Variants in KCNH8 observed in about 807,000 individuals in gnomAD.
KCNH8 encodes the protein voltage-gated delayed rectifier potassium channel KCNH8.
A neutral mutation model predicts 103.6 loss-of-function variants in KCNH8; 70 were observed. That is an observed-to-expected ratio of 0.68 (90% CI 0.56 to 0.82). The LOEUF is 0.82. Among genes scored for constraint, KCNH8 ranks in the 40% least tolerant of loss-of-function variants. The probability of loss-of-function intolerance (pLI) is 0.00; values close to 1 mark genes in which losing one functional copy is unlikely to be tolerated. For synonymous variants in KCNH8, 498 were observed against 489.4 expected, an observed-to-expected ratio of 1.02 and a Z score of -0.23; for missense variants, 1,217 against 1,329.9, an observed-to-expected ratio of 0.92 and a Z score of 1.32.
intron 11 of KCNH8, among the ~76,000 whole-genome samples, chr3:19,500,328 G>T (rs547342851): frequency 2.4e-4 from 37 of 152,152 alleles, no homozygotes; most frequent in Non-Finnish European, 3.4e-4. Context: ...CTCCCACACA[G>T]TAATAATGGG....
intron 3 of KCNH8, among the ~76,000 whole-genome samples, chr3:19,309,816 T>C (rs1263373013): frequency 6.6e-6 from 1 of 151,960 alleles, no homozygotes; most frequent in Non-Finnish European, 1.5e-5. Flanking sequence ...CTTAACGTAA[T>C]AGTTGAATCA....
intron 5 of KCNH8, among the ~76,000 whole-genome samples, chr3:19,354,101 G>A (rs2065844507): frequency 6.6e-6 from 1 of 152,114 alleles, no homozygotes; most frequent in Non-Finnish European, 1.5e-5. Context: ...CAGACAGAGA[G>A]CCAAATCATG....
At chr3:19,502,013 C>G (rs921187934) in intron 11 of KCNH8, among the ~76,000 whole-genome samples, 1 of 151,738 alleles carries the variant, frequency 6.6e-6, no homozygotes, top group African/African-American at 2.4e-5. Context: ...GATTGTATAT[C>G]TAGAAAACCC....
intron 3 of KCNH8, among the ~76,000 whole-genome samples, chr3:19,305,611 A>G (rs1163754261): frequency 6.6e-6 from 1 of 152,050 alleles, no homozygotes; most frequent in Non-Finnish European, 1.5e-5. Context: ...ACAATTGGAG[A>G]AGACTTTGGA....
At chr3:19,445,861 G>T (rs1341386563) in intron 8 of KCNH8, among the ~76,000 whole-genome samples, 3 of 151,858 alleles carry the variant, frequency 2.0e-5, no homozygotes, top group African/African-American at 4.8e-5. Context: ...AATATTTATG[G>T]CATACTTAAA....
intron 10 of KCNH8, among the ~76,000 whole-genome samples, chr3:19,454,568 G>A (rs933595682): frequency 8.5e-5 from 13 of 152,112 alleles, no homozygotes; most frequent in African/African-American, 3.1e-4. Context: ...TTTAGGAATA[G>A]AATATGAAGG....
At chr3:19,468,344 G>T (rs2067785465) in intron 11 of KCNH8, among the ~76,000 whole-genome samples, 1 of 152,210 alleles carries the variant, frequency 6.6e-6, no homozygotes, top group African/African-American at 2.4e-5. Flanking sequence ...TTAAGAAAAT[G>T]AAGAAAGTCC....
At chr3:19,223,371 C>T (rs1323027743) in intron 1 of KCNH8, among the ~76,000 whole-genome samples, 1 of 152,084 alleles carries the variant, frequency 6.6e-6, no homozygotes, top group Non-Finnish European at 1.5e-5. Context: ...TCAGATTTTT[C>T]CTCAGTATTG....
intron 7 of KCNH8, among the ~76,000 whole-genome samples, chr3:19,413,533 G>A (rs2066815637): frequency 6.6e-6 from 1 of 152,012 alleles, no homozygotes; most frequent in African/African-American, 2.4e-5. Flanking sequence ...TGTACCTCCT[G>A]AATCTAAAAT....
chr3:19,331,880 A>G (rs2065515606), intron 3 of KCNH8, among the ~76,000 whole-genome samples: 1 of 152,276 alleles, frequency 6.6e-6, no homozygotes, highest in Non-Finnish European at 1.5e-5. Flanking sequence ...TGAGTCTTCT[A>G]TCATGATGAA....
intron 1 of KCNH8, among the ~76,000 whole-genome samples, chr3:19,154,996 C>A (rs2063167429): frequency 6.6e-6 from 1 of 152,184 alleles, no homozygotes; most frequent in Admixed American, 6.5e-5. Context: ...GCAACTGGAG[C>A]AATTGAAGAG....
chr3:19,209,455 T>G (rs1394506076), intron 1 of KCNH8, among the ~76,000 whole-genome samples: 1 of 152,096 alleles, frequency 6.6e-6, no homozygotes, highest in Non-Finnish European at 1.5e-5. Flanking sequence ...CTTGGATCAT[T>G]TTAAAATGAA....
At chr3:19,290,148 T>G (rs2125280902) in intron 3 of KCNH8, among the ~76,000 whole-genome samples, 1 of 152,324 alleles carries the variant, frequency 6.6e-6, no homozygotes, top group Non-Finnish European at 1.5e-5. Flanking sequence ...GATTTTGGGC[T>G]GAGACAATGG....
In KCNH8 at chr3:19,451,341, A is replaced by G. The variant is rs753570819; in HGVS notation, c.1762A>G (p.Ile588Val). The change falls in exon 10 of 16, where the codon ATC (isoleucine) becomes GTC (valine). Residue 588 changes from isoleucine (I) to valine (V), a missense_variant. This residue lies in a region of KCNH8 where 415 missense variants were observed against 577.4 expected (regional missense o/e 0.72). Coordinates refer to ENST00000328405, the MANE Select transcript of KCNH8 (RefSeq NM_144633.3). ...LLRQGDALQA[I>V]YFVCSGSMEV... ...GCGTCAAGGGGATGCTTTGCAGGCC[A>G]TCTACTTTGTATGCTCGGGCTCCAT... The G allele has an allele frequency of 6.2e-7, 1 of 1,613,850 alleles. No individual in the cohort carries two copies. The highest frequency in any genetic ancestry group is 8.5e-7 in the Non-Finnish European group (1 of 1,179,818).
intron 15 of KCNH8, among the ~76,000 whole-genome samples, chr3:19,528,358 T>C (rs1272130559): frequency 2.0e-5 from 3 of 151,888 alleles, no homozygotes; most frequent in African/African-American, 7.2e-5. Context: ...TTGGGGGAAA[T>C]TTCCCAGAGA....
At chr3:19,512,101 G>T (rs1257923623) in intron 12 of KCNH8, among the ~76,000 whole-genome samples, 2 of 152,168 alleles carry the variant, frequency 1.3e-5, no homozygotes, top group African/African-American at 4.8e-5. Flanking sequence ...AAAGACAGAA[G>T]CACAGAAAAG....
chr3:19,528,917 G>T (rs562040084), intron 15 of KCNH8, among the ~76,000 whole-genome samples: 2 of 152,068 alleles, frequency 1.3e-5, no homozygotes, highest in African/African-American at 4.8e-5. Flanking sequence ...AGTGGTCAGG[G>T]TTAAAACTGC....
At chr3:19,470,892 AG>A (rs1243950261) in intron 11 of KCNH8, among the ~76,000 whole-genome samples, 1 of 152,234 alleles carries the variant, frequency 6.6e-6, no homozygotes, top group Non-Finnish European at 1.5e-5. Context: ...GCACATAAAA[AG>A]CTTTAAAATA....
chr3:19,395,768 A>C (rs546761317), intron 7 of KCNH8, among the ~76,000 whole-genome samples: 1 of 152,040 alleles, frequency 6.6e-6, no homozygotes, highest in Admixed American at 6.6e-5. Flanking sequence ...GGAGAGAGAG[A>C]GTGTGTGAGA....
Sources: gnomAD v4.1 joint callset for allele counts (sites outside exome capture counted in the v4.1 genomes callset) on GRCh38, gnomAD v4.1.1 for gene constraint, gnomAD v4.1.1 regional missense constraint, MANE v1.5 for transcripts, NCBI Gene and HGNC (gene_info 2026-07-23, HGNC 2026-07-21) for gene names.